Variants in EPHB1 observed in about 807,000 individuals in gnomAD.
EPHB1 encodes EPH receptor B1.
In EPHB1, 30 loss-of-function variants were observed where a neutral mutation model predicts 94.4. The observed-to-expected ratio is 0.32, with a 90% confidence interval of 0.24 to 0.43. The LOEUF (loss-of-function observed/expected upper bound fraction) is 0.43, where lower values mean the gene tolerates loss of function less well. Among genes scored for constraint, EPHB1 ranks in the 20% least tolerant of loss-of-function variants. The probability of loss-of-function intolerance (pLI) is 1.00; values close to 1 mark genes in which losing one functional copy is unlikely to be tolerated. For synonymous variants in EPHB1, 522 were observed against 489.1 expected, an observed-to-expected ratio of 1.07 and a Z score of -0.89; for missense variants, 1,055 against 1,308.3, an observed-to-expected ratio of 0.81 and a Z score of 2.99.
At chr3:135,246,698 A>G (rs1049013025) in intron 13 of EPHB1, among the ~76,000 whole-genome samples, 1 of 138,494 alleles carries the variant, frequency 7.2e-6, no homozygotes, top group Middle Eastern at 3.8e-3. Flanking sequence ...AATTTGATTG[A>G]CAACAGTTTA....
At chr3:134,977,791 C>T (rs966868181) in intron 3 of EPHB1, among the ~76,000 whole-genome samples, 1 of 152,178 alleles carries the variant, frequency 6.6e-6, no homozygotes, top group Non-Finnish European at 1.5e-5. Context: ...ACAGTTTGCT[C>T]CACAGAGGGA....
chr3:134,926,194 G>A (rs1477595899), intron 2 of EPHB1, among the ~76,000 whole-genome samples: 1 of 152,206 alleles, frequency 6.6e-6, no homozygotes, highest in Non-Finnish European at 1.5e-5. Flanking sequence ...GATCTGTGAT[G>A]CCCAAAGGGC....
At position 134,795,281 on chromosome 3, in the gene EPHB1, C is replaced by T. The variant is rs913039100; in HGVS notation, c.-351C>T. 8 of 400,978 alleles carry T rather than the reference C, an allele frequency of 2.0e-5. No individual in the cohort carries two copies. Among genetic ancestry groups the T allele is most frequent in the Non-Finnish European group, 2.2e-5 (5 of 224,034 alleles). 24.8% of individuals were successfully genotyped at this position (400,978 alleles called of 1,614,324 possible). A position where few individuals can be genotyped will look rare whatever the true frequency, so the allele number is the denominator to read the frequency against. On this transcript the variant is annotated 5_prime_UTR_variant, in exon 1 of 16. Coordinates refer to ENST00000398015, the MANE Select transcript of EPHB1 (RefSeq NM_004441.5). ...CGTCAGTCTGGCCGGCTCCGTCCTC[C>T]CGTAGGCTCCGCTGTAGCTAGCAAT...
intron 10 of EPHB1, among the ~76,000 whole-genome samples, chr3:135,183,625 G>A (rs9816567): frequency 0.12 from 17,770 of 152,130 alleles, 1,459 homozygotes; most frequent in East Asian, 0.23. Context: ...ATGAGGGCCC[G>A]GAGAATGTGT....
chr3:135,047,721 T>C (rs1425860607), intron 3 of EPHB1, among the ~76,000 whole-genome samples: 1 of 152,194 alleles, frequency 6.6e-6, no homozygotes, highest in African/African-American at 2.4e-5. Flanking sequence ...CTTACACCCT[T>C]GTGACAGTTT....
At chr3:134,956,734 G>A (rs1264734485) in intron 3 of EPHB1, among the ~76,000 whole-genome samples, 1 of 152,140 alleles carries the variant, frequency 6.6e-6, no homozygotes, top group East Asian at 1.9e-4. Flanking sequence ...AAATGGATAT[G>A]AGAATATTTT....
chr3:134,968,529 G>T (rs1029237831), intron 3 of EPHB1, among the ~76,000 whole-genome samples: 1 of 152,018 alleles, frequency 6.6e-6, no homozygotes, highest in East Asian at 1.9e-4. Flanking sequence ...AGATTAAATT[G>T]GTTTTTGTTA....
intron 3 of EPHB1, among the ~76,000 whole-genome samples, chr3:134,992,168 G>A (rs970528859): frequency 6.6e-6 from 1 of 152,032 alleles, no homozygotes; most frequent in Non-Finnish European, 1.5e-5. Context: ...AAGACAACAC[G>A]GGGGGCCAGG....
chr3:135,191,116 A>T (rs1024027298), intron 10 of EPHB1, among the ~76,000 whole-genome samples: 4 of 151,694 alleles, frequency 2.6e-5, no homozygotes, highest in Admixed American at 1.3e-4. Flanking sequence ...GGAGGAAGGA[A>T]GGAAGGGAGG....
intron 3 of EPHB1, among the ~76,000 whole-genome samples, chr3:135,073,102 C>A (rs1414334755): frequency 2.7e-5 from 4 of 146,214 alleles, no homozygotes; most frequent in Non-Finnish European, 6.0e-5. Flanking sequence ...CTTTATAGTA[C>A]CAGATTTTAT....
At chr3:134,903,468 G>C (rs975223052) in intron 1 of EPHB1, among the ~76,000 whole-genome samples, 3 of 152,208 alleles carry the variant, frequency 2.0e-5, no homozygotes, top group Admixed American at 2.0e-4. Flanking sequence ...ATGTGCTGAC[G>C]TGCACAGTGA....
At chr3:134,965,696 G>T (rs1209093791) in intron 3 of EPHB1, among the ~76,000 whole-genome samples, 1 of 152,178 alleles carries the variant, frequency 6.6e-6, no homozygotes. Context: ...CTGCCCGCTT[G>T]TAGAGAGAGC....
intron 1 of EPHB1, 101 bp from the exon 2 acceptor site, chr3:134,925,715 C>T: frequency 2.1e-6 from 2 of 961,644 alleles, no homozygotes; most frequent in East Asian, 2.8e-5. Flanking sequence ...GTAGTACTGT[C>T]ATTTACTATC....
chr3:134,908,458 G>T (rs2038382705), intron 1 of EPHB1, among the ~76,000 whole-genome samples: 1 of 152,202 alleles, frequency 6.6e-6, no homozygotes, highest in Non-Finnish European at 1.5e-5. Flanking sequence ...AAGGGGATTT[G>T]TTCCCTATGC....
At chr3:134,882,796 T>TTCTTTCTTTCTTTCTTTCTTTCTC (rs1560280662) in intron 1 of EPHB1, among the ~76,000 whole-genome samples, 2 of 75,414 alleles carry the variant, frequency 2.7e-5, no homozygotes, top group East Asian at 5.1e-4. Context: ...CTTTCTTTCT[T>TTCTTTCTTTCTTTCTTTCTTTCTC]TCTTTCTTTC....
intron 3 of EPHB1, among the ~76,000 whole-genome samples, chr3:135,091,484 A>C (rs1379126385): frequency 6.6e-6 from 1 of 152,168 alleles, no homozygotes; most frequent in African/African-American, 2.4e-5. Context: ...GCCGGGATTG[A>C]TTAGCAATGT....
At chr3:134,969,150 T>G (rs1162891703) in intron 3 of EPHB1, among the ~76,000 whole-genome samples, 1 of 152,230 alleles carries the variant, frequency 6.6e-6, no homozygotes, top group African/African-American at 2.4e-5. Context: ...GTTTCAGTTG[T>G]TCTGCCTTTT....
At chr3:135,258,897 G>C (rs973421740) in intron 15 of EPHB1, 115 bp from the exon 16 acceptor site, 2 of 922,698 alleles carry the variant, frequency 2.2e-6, no homozygotes, top group Admixed American at 2.5e-5. Flanking sequence ...ACTTAAGCTA[G>C]TTGGATTTTT....
At chr3:135,240,772 G>A (rs931404598) in intron 12 of EPHB1, among the ~76,000 whole-genome samples, 1 of 152,066 alleles carries the variant, frequency 6.6e-6, no homozygotes, top group African/African-American at 2.4e-5. Flanking sequence ...CTTTTACATT[G>A]CCAGGGAGCA....
Sources: gnomAD v4.1 joint callset for allele counts (sites outside exome capture counted in the v4.1 genomes callset) on GRCh38, gnomAD v4.1.1 for gene constraint, MANE v1.5 for transcripts, NCBI Gene and HGNC (gene_info 2026-07-23, HGNC 2026-07-21) for gene names.